Variants in GPC5 observed in about 807,000 individuals in gnomAD.
The protein encoded by GPC5 is glypican 5, also known as glypican-5.
Under a neutral mutation model 53.9 loss-of-function variants are expected in GPC5, and 47 were observed. That is an observed-to-expected ratio of 0.87 (90% CI 0.69 to 1.11). The LOEUF (loss-of-function observed/expected upper bound fraction) is 1.11, where lower values mean the gene tolerates loss of function less well. Among genes scored for constraint, GPC5 ranks in the 50% most tolerant of loss-of-function variants. GPC5 has a pLI of 0.00. For synonymous variants in GPC5, 286 were observed against 263.3 expected, an observed-to-expected ratio of 1.09 and a Z score of -0.84; for missense variants, 748 against 713.1, an observed-to-expected ratio of 1.05 and a Z score of -0.56.
At chr13:91,767,633 G>C (rs1165735023) in intron 5 of GPC5, among the ~76,000 whole-genome samples, 1 of 152,092 alleles carries the variant, frequency 6.6e-6, no homozygotes, top group African/African-American at 2.4e-5. Flanking sequence ...AGAATCCCTA[G>C]GAAAAAATGA....
chr13:91,561,951 A>G (rs1311662500), intron 2 of GPC5, among the ~76,000 whole-genome samples: 1 of 152,156 alleles, frequency 6.6e-6, no homozygotes, highest in Non-Finnish European at 1.5e-5. Flanking sequence ...AATGCCATCT[A>G]CTTTGTACCA....
chr13:91,558,478 C>T lies in GPC5; in HGVS notation c.325+109556C>T, dbSNP rs536972208. Among the ~76,000 whole-genome samples, 3 of 152,114 alleles carry T rather than the reference C, an allele frequency of 2.0e-5. No homozygotes were observed. In the South Asian group the frequency reaches 6.3e-4, roughly 32 times the overall value. ...TAAATATTTGTCACTTACCAGCAGG[C>T]ATGATGCTAAGCACTGTTAGTATAA... On this transcript the variant is annotated intron_variant, in intron 2 of 7. Coordinates refer to ENST00000377067, the MANE Select transcript of GPC5 (RefSeq NM_004466.6).
chr13:92,782,839 T>G (rs1456693117), intron 7 of GPC5, among the ~76,000 whole-genome samples: 1 of 152,122 alleles, frequency 6.6e-6, no homozygotes, highest in Admixed American at 6.6e-5. Flanking sequence ...TAAATTCTTT[T>G]TTTCTTATGA....
At chr13:92,722,953 T>C (rs543587661) in intron 7 of GPC5, among the ~76,000 whole-genome samples, 5 of 151,960 alleles carry the variant, frequency 3.3e-5, no homozygotes, top group Non-Finnish European at 5.9e-5. Context: ...TTTGAGTTTA[T>C]ACAAACAGAT....
At chr13:91,857,176 A>C (rs1369722277) in intron 5 of GPC5, among the ~76,000 whole-genome samples, 1 of 151,326 alleles carries the variant, frequency 6.6e-6, no homozygotes, top group Non-Finnish European at 1.5e-5. Context: ...CAGAGTAATA[A>C]TTTCTCCCAA....
chr13:92,562,501 G>A (rs1463958708), intron 7 of GPC5, among the ~76,000 whole-genome samples: 5 of 152,056 alleles, frequency 3.3e-5, no homozygotes, highest in South Asian at 2.1e-4. Context: ...AAGGGAGGAT[G>A]TAGATTCCTG....
At chr13:92,122,767 T>A (rs1284057248) in intron 6 of GPC5, among the ~76,000 whole-genome samples, 7 of 110,496 alleles carry the variant, frequency 6.3e-5, no homozygotes, top group Non-Finnish European at 1.3e-4. Flanking sequence ...TTTTTTTTTT[T>A]AACATTTTTA....
At chr13:91,575,166 C>T (rs912570403) in intron 2 of GPC5, among the ~76,000 whole-genome samples, 1 of 152,174 alleles carries the variant, frequency 6.6e-6, no homozygotes, top group Non-Finnish European at 1.5e-5. Flanking sequence ...TAGTTCTATC[C>T]ATCTCAAATC....
At chr13:91,544,217 C>CTT (rs10692886) in intron 2 of GPC5, among the ~76,000 whole-genome samples, 130,410 of 152,012 alleles carry the variant, frequency 0.86, 57,383 homozygotes, top group East Asian at 1. Context: ...GGCTAATTGA[C>CTT]TTAGGAATTT....
Position 91,710,838 on chromosome 13 carries a change from T to A in GPC5, c.1020+16957T>A, listed in dbSNP as rs79303593. 1.1e-4 allele frequency among the ~76,000 whole-genome samples: 17 copies of A among 151,092 alleles called. No individual in the cohort carries two copies. In the East Asian group the frequency reaches 3.4e-3, roughly 30 times the overall value. The stretch of plus-strand genomic sequence containing the variant: ...TCACTCATGTTCATTTAGATGTTAA[T>A]AGGTATTCTTTGAAGAAAAAAAAAG... On this transcript the variant is annotated intron_variant, in intron 3 of 7. Transcript: ENST00000377067.
intron 2 of GPC5, among the ~76,000 whole-genome samples, chr13:91,645,513 G>T (rs2034537006): frequency 6.6e-6 from 1 of 152,124 alleles, no homozygotes; most frequent in Admixed American, 6.6e-5. Flanking sequence ...CCTGACAGTA[G>T]GACCCTCAAG....
intron 7 of GPC5, among the ~76,000 whole-genome samples, chr13:92,190,009 A>G (rs1030692355): frequency 3.3e-5 from 5 of 152,226 alleles, no homozygotes; most frequent in African/African-American, 9.6e-5. Flanking sequence ...AAGCTCAGAG[A>G]ACACCAGCCA....
intron 6 of GPC5, among the ~76,000 whole-genome samples, chr13:92,135,354 A>G (rs1423830472): frequency 6.6e-6 from 1 of 152,128 alleles, no homozygotes; most frequent in Non-Finnish European, 1.5e-5. Flanking sequence ...TCTGAGTCCT[A>G]CTTGAGGTTA....
At chr13:92,175,676 C>A (rs554871939) in intron 7 of GPC5, among the ~76,000 whole-genome samples, 1 of 151,988 alleles carries the variant, frequency 6.6e-6, no homozygotes, top group South Asian at 2.1e-4. Flanking sequence ...TTCTCTTTAA[C>A]CTATTCTGTT....
intron 7 of GPC5, among the ~76,000 whole-genome samples, chr13:92,248,334 G>A (rs1180415082): frequency 2.0e-5 from 3 of 152,108 alleles, no homozygotes; most frequent in Non-Finnish European, 4.4e-5. Context: ...CACATATAAT[G>A]TGTGAAAGTT....
intron 7 of GPC5, among the ~76,000 whole-genome samples, chr13:92,775,529 T>TA (rs1048796493): frequency 1.3e-5 from 2 of 152,182 alleles, no homozygotes; most frequent in African/African-American, 4.8e-5. Context: ...AAGGTAACAC[T>TA]AGAACTCAAA....
intron 7 of GPC5, among the ~76,000 whole-genome samples, chr13:92,322,348 AAAAT>A (rs2043221800): frequency 6.8e-6 from 1 of 147,894 alleles, no homozygotes; most frequent in African/African-American, 2.7e-5. Flanking sequence ...AAAAGAAAAA[AAAAT>A]AAAGGCAAAT....
intron 7 of GPC5, among the ~76,000 whole-genome samples, chr13:92,685,256 C>A (rs1887227793): frequency 6.6e-6 from 1 of 151,970 alleles, no homozygotes; most frequent in Non-Finnish European, 1.5e-5. Context: ...CCATGCCCAG[C>A]TGATTTTTGT....
At chr13:91,887,290 G>A in intron 5 of GPC5, among the ~76,000 whole-genome samples, 1 of 152,118 alleles carries the variant, frequency 6.6e-6, no homozygotes, top group Non-Finnish European at 1.5e-5. Flanking sequence ...TGCAATGCAG[G>A]GCACCAAGTC....
Sources: allele counts gnomAD v4.1 joint callset (sites outside exome capture counted in the v4.1 genomes callset), GRCh38; gene constraint gnomAD v4.1.1; transcripts MANE v1.5; gene names NCBI Gene and HGNC (gene_info 2026-07-23, HGNC 2026-07-21).